The following NETO2 variants were observed in gnomAD, a reference collection of about 807,000 sequenced individuals.
NETO2 encodes neuropilin and tolloid like 2.
NETO2 carries 28 observed loss-of-function variants against 62.5 expected under a neutral mutation model. The ratio of observed to expected loss-of-function variants is 0.45; its 90% CI spans 0.33 to 0.61. The LOEUF (loss-of-function observed/expected upper bound fraction) is 0.61. Among genes scored for constraint, NETO2 ranks in the 20% least tolerant of loss-of-function variants. NETO2 has a pLI of 0.02. For synonymous variants in NETO2, 214 were observed against 219.1 expected (o/e 0.98, Z 0.21); for missense variants, 548 against 643.2 (o/e 0.85, Z 1.60).
intron 8 of NETO2, among the ~76,000 whole-genome samples, chr16:47,085,871 C>T (rs1376160293): frequency 7.9e-5 from 12 of 151,676 alleles, no homozygotes; most frequent in African/African-American, 9.7e-5. Context: ...TTTGGGAGGC[C>T]GAGGTGGGCA....
At position 47,083,240 on chromosome 16, in the gene NETO2, G is replaced by A. The variant is rs761313386; in HGVS notation, c.1559C>T (p.Ser520Phe). Residue 520 changes from serine to phenylalanine, a missense_variant, in exon 9 of 9, where the codon TCC becomes TTC. Transcript: ENST00000562435. ...VRGREDSAQASISIDF is the reference protein window; with the variant it reads ...VRGREDSAQAFISIDF ...AGAAGATTAGAAGTCAATGGATATG[G>A]ATGCTTGTGCAGAATCTTCTCGCCC... is the stretch of plus-strand genomic sequence containing the variant. 1.2e-6 allele frequency: 2 copies of A among 1,611,904 alleles called. No individual in the cohort carries two copies.
At chr16:47,086,100 C>T (rs1257336207) in intron 8 of NETO2, 126 bp downstream of exon 8, 10 of 698,402 alleles carry the variant, frequency 1.4e-5, no homozygotes, top group East Asian at 5.4e-5. Flanking sequence ...AGCAGGACTC[C>T]GTCTCAAACA....
At chr16:47,114,658 G>T (rs1165618660) in intron 6 of NETO2, among the ~76,000 whole-genome samples, 1 of 151,264 alleles carries the variant, frequency 6.6e-6, no homozygotes, top group Non-Finnish European at 1.5e-5. Flanking sequence ...TACCGTGTTA[G>T]CCAGGATGGC....
chr16:47,102,984 T>C (rs888767761), intron 7 of NETO2, among the ~76,000 whole-genome samples: 1 of 152,202 alleles, frequency 6.6e-6, no homozygotes, highest in Non-Finnish European at 1.5e-5. Flanking sequence ...TAAAGGCACA[T>C]GCACACACAT....
At chr16:47,105,479 A>C (rs111493627) in intron 7 of NETO2, among the ~76,000 whole-genome samples, 7 of 152,278 alleles carry the variant, frequency 4.6e-5, no homozygotes, top group East Asian at 1.9e-4. Flanking sequence ...AACAAAAAAA[A>C]CCCACATTAA....
chr16:47,093,320 A>G (rs886201046), intron 7 of NETO2, among the ~76,000 whole-genome samples: 2 of 152,144 alleles, frequency 1.3e-5, no homozygotes, highest in African/African-American at 2.4e-5. Context: ...TACCTTCAAA[A>G]TATATCTACT....
intron 7 of NETO2, among the ~76,000 whole-genome samples, chr16:47,101,547 G>A (rs941913047): frequency 6.6e-6 from 1 of 152,192 alleles, no homozygotes; most frequent in Non-Finnish European, 1.5e-5. Context: ...CATCGTCTCA[G>A]CCCAAAATCT....
At position 47,083,110 on chromosome 16, in the gene NETO2, A is replaced by G; in HGVS notation, c.*111T>C. 1 of 915,306 alleles carries G rather than the reference A, an allele frequency of 1.1e-6. No individual in the cohort carries two copies. The highest frequency in any genetic ancestry group is 2.6e-5 in the Admixed American group (1 of 39,208). 56.7% of individuals were successfully genotyped at this position (915,306 alleles called of 1,614,324 possible). A position where few individuals can be genotyped will look rare whatever the true frequency, so the allele number is the denominator to read the frequency against. On this transcript the variant is annotated 3_prime_UTR_variant, in exon 9 of 9. Transcript: ENST00000562435. Reference sequence around the variant, plus strand: ...CATACAATAGGTTAACGGTAAATCAAGGTCTTCGTAGTTGTGATGGGAGAA... The same window carrying G: ...CATACAATAGGTTAACGGTAAATCAGGGTCTTCGTAGTTGTGATGGGAGAA...
At chr16:47,130,122 T>C (rs757971789) in intron 2 of NETO2, among the ~76,000 whole-genome samples, 5 of 152,216 alleles carry the variant, frequency 3.3e-5, no homozygotes, top group Admixed American at 6.5e-5. Context: ...CCAGGAACAG[T>C]TGAGAACGAA....
intron 1 of NETO2, among the ~76,000 whole-genome samples, chr16:47,141,775 C>T (rs900734726): frequency 6.6e-5 from 10 of 152,182 alleles, no homozygotes; most frequent in African/African-American, 2.4e-4. Context: ...AAAAGCCAGA[C>T]ACTATATTGT....
rs2151499117 is a variant in NETO2 at position 47,143,652 on chromosome 16, G to A, written c.-40C>T. 1 of 1,219,680 alleles carries A rather than the reference G, an allele frequency of 8.2e-7. No homozygotes were observed. The highest frequency in any genetic ancestry group is 3.3e-5 in the East Asian group (1 of 30,370). The allele number at this position is 1,219,680 out of a possible 1,614,324, so 75.6% of individuals were successfully genotyped here. On this transcript the variant is annotated 5_prime_UTR_variant, in exon 1 of 9. Transcript: ENST00000562435. ...CGGCGCTTCGCGAAGGGCTGAGGTA[G>A]CGGCGGCGGTGGCTCGGCGCTCACG...
chr16:47,111,821 C>A (rs534545426), intron 6 of NETO2, among the ~76,000 whole-genome samples: 3 of 152,056 alleles, frequency 2.0e-5, no homozygotes, highest in Non-Finnish European at 4.4e-5. Flanking sequence ...CATCTCTCTG[C>A]GTTGCTCTCT....
At chr16:47,128,258 C>T in intron 4 of NETO2, 67 bp downstream of exon 4, 4 of 1,532,264 alleles carry the variant, frequency 2.6e-6, no homozygotes, top group Non-Finnish European at 3.5e-6. Context: ...TCTTTTCTAA[C>T]CTTAAGATTC....
At chr16:47,088,351 C>T (rs750718797) in intron 7 of NETO2, among the ~76,000 whole-genome samples, 2 of 152,210 alleles carry the variant, frequency 1.3e-5, no homozygotes, top group Admixed American at 6.5e-5. Flanking sequence ...AGTGATCTGC[C>T]TGCCTCAGCC....
chr16:47,125,348 A>G (rs991399006), intron 4 of NETO2, among the ~76,000 whole-genome samples: 2 of 149,396 alleles, frequency 1.3e-5, no homozygotes, highest in Non-Finnish European at 3.0e-5. Context: ...ACTAGCTACT[A>G]GTTTTTTTTT....
At chr16:47,121,272 G>T (rs1964034083) in intron 6 of NETO2, among the ~76,000 whole-genome samples, 1 of 152,082 alleles carries the variant, frequency 6.6e-6, no homozygotes, top group South Asian at 2.1e-4. Flanking sequence ...ACCCATGGTG[G>T]GCTGTGAGCA....
At chr16:47,143,269 G>T in intron 1 of NETO2, among the ~76,000 whole-genome samples, 1 of 152,122 alleles carries the variant, frequency 6.6e-6, no homozygotes, top group East Asian at 1.9e-4. Context: ...AGCGGCGCGA[G>T]GGCGCAGCCC....
intron 7 of NETO2, among the ~76,000 whole-genome samples, chr16:47,092,751 C>T (rs1963339243): frequency 6.6e-6 from 1 of 152,194 alleles, no homozygotes; most frequent in Admixed American, 6.5e-5. Context: ...GGTTCTCTCC[C>T]TGGTGAAGGA....
In NETO2 at chr16:47,136,116, TGAAGACTTTGTTATACTGGCCAAA is replaced by T. The variant is rs1264451067; in HGVS notation, c.35-4115_35-4092del. On this transcript the variant is annotated intron_variant, in intron 1 of 8. Transcript: ENST00000562435. ...AACAAAACGTTTCTGATGCTCATCTTGAAGACTTTGTTATACTGGCCAAAGAAAATTTAGAAATCACATAGAATA... is the reference window on the plus strand; with the variant it reads ...AACAAAACGTTTCTGATGCTCATCTTGAAAATTTAGAAATCACATAGAATA... 2.6e-5 allele frequency among the ~76,000 whole-genome samples: 4 copies of T among 152,210 alleles called. No homozygotes were observed. The South Asian group carries it at 8.3e-4, about 32-fold the overall frequency.
Sources: gnomAD v4.1 joint callset for allele counts (sites outside exome capture counted in the v4.1 genomes callset) on GRCh38, gnomAD v4.1.1 for gene constraint, MANE v1.5 for transcripts, NCBI Gene and HGNC (gene_info 2026-07-23, HGNC 2026-07-21) for gene names.